The following PCDHGA2 variants were observed in gnomAD, a reference collection of about 807,000 sequenced individuals.
The protein encoded by PCDHGA2 is protocadherin gamma-A2.
PCDHGA2 carries 40 observed loss-of-function variants against 59.2 expected under a neutral mutation model. The ratio of observed to expected loss-of-function variants is 0.68; its 90% CI spans 0.52 to 0.88. The LOEUF (loss-of-function observed/expected upper bound fraction) is 0.88. PCDHGA2 is among the 40% of genes least tolerant of loss of function. PCDHGA2 has a pLI of 0.00. For synonymous variants in PCDHGA2, 560 were observed against 526.0 expected (o/e 1.06, Z -0.89); for missense variants, 1,226 against 1,204.0 (o/e 1.02, Z -0.27).
At chr5:141,501,600 C>G (rs1320824291) in intron 2 of PCDHGA2, among the ~76,000 whole-genome samples, 1 of 152,040 alleles carries the variant, frequency 6.6e-6, no homozygotes, top group Admixed American at 6.6e-5. Flanking sequence ...TCTACCAGTT[C>G]CAGCTGTGTG....
At chr5:141,388,363 C>T (rs778705302) in intron 1 of PCDHGA2, 6 of 1,613,854 alleles carry the variant, frequency 3.7e-6, no homozygotes, top group South Asian at 3.3e-5. Flanking sequence ...GCCCATGATG[C>T]GGATATTGGT....
intron 1 of PCDHGA2, among the ~76,000 whole-genome samples, chr5:141,401,837 A>G (rs1302723544): frequency 6.6e-6 from 1 of 152,198 alleles, no homozygotes; most frequent in Non-Finnish European, 1.5e-5. Context: ...ATTTCTTATA[A>G]TACCACTTAC....
intron 1 of PCDHGA2, among the ~76,000 whole-genome samples, chr5:141,456,073 A>G (rs1490650582): frequency 2.6e-5 from 4 of 151,252 alleles, no homozygotes; most frequent in Non-Finnish European, 5.9e-5. Flanking sequence ...AATTTTTTGT[A>G]TTTTCAGTAG....
At chr5:141,499,244 CAA>C (rs1191956146) in intron 2 of PCDHGA2, among the ~76,000 whole-genome samples, 1 of 152,090 alleles carries the variant, frequency 6.6e-6, no homozygotes, top group Non-Finnish European at 1.5e-5. Flanking sequence ...AGCCTCTGCA[CAA>C]AGAGTCTCCA....
At chr5:141,413,625 C>A (rs372855865) in intron 1 of PCDHGA2, 22 of 1,613,734 alleles carry the variant, frequency 1.4e-5, no homozygotes, top group Non-Finnish European at 1.9e-5. Flanking sequence ...ATGAAAATGT[C>A]GCTGCGGGAA....
intron 1 of PCDHGA2, among the ~76,000 whole-genome samples, chr5:141,469,162 G>A (rs2099192596): frequency 6.6e-6 from 1 of 152,062 alleles, no homozygotes; most frequent in Admixed American, 6.6e-5. Flanking sequence ...TGTAGTCCCA[G>A]CTACTTGGGA....
intron 1 of PCDHGA2, among the ~76,000 whole-genome samples, chr5:141,420,626 C>T (rs1192244062): frequency 6.6e-6 from 1 of 152,152 alleles, no homozygotes; most frequent in Non-Finnish European, 1.5e-5. Flanking sequence ...TTCATTTACT[C>T]AATAAAGGAA....
chr5:141,375,842 C>T, intron 1 of PCDHGA2: 2 of 1,614,122 alleles, frequency 1.2e-6, no homozygotes, highest in East Asian at 4.5e-5. Flanking sequence ...GCCCGGCTAC[C>T]TGGTGACCAA....
Position 141,366,878 on chromosome 5 carries a change from AT to A in PCDHGA2, c.2424+25491del, listed in dbSNP as rs994289295. On this transcript the variant is annotated intron_variant, in intron 1 of 3. Coordinates refer to ENST00000394576, the MANE Select transcript of PCDHGA2 (RefSeq NM_018915.4). ...ACATTATTTGCTGTATTGGAGATTA[AT>A]TTTTTTTATATAATTCATGCTTTCT... 7.2e-5 allele frequency: 96 copies of A among 1,341,212 alleles called. No homozygotes were observed. In the Middle Eastern group the frequency reaches 7.6e-4, roughly 11 times the overall value. 83.1% of individuals were successfully genotyped at this position (1,341,212 alleles called of 1,614,324 possible).
In PCDHGA2 at chr5:141,385,322, A is replaced by C. The variant is rs1781120693; in HGVS notation, c.2424+43927A>C. On this transcript the variant is annotated intron_variant, in intron 1 of 3. Coordinates refer to ENST00000394576, the MANE Select transcript of PCDHGA2 (RefSeq NM_018915.4). ...TGTAAAGAAAACCTGCCAAGTATTC[A>C]GGTGAGCCCAGCCCTTCCTTTATTT... is the stretch of plus-strand genomic sequence containing the variant. The C allele has an allele frequency of 1.9e-6, 3 of 1,606,974 alleles. No homozygotes were observed. In the East Asian group the frequency reaches 6.7e-5, roughly 36 times the overall value.
At chr5:141,343,504 G>A (rs978202799) in intron 1 of PCDHGA2, among the ~76,000 whole-genome samples, 3 of 152,138 alleles carry the variant, frequency 2.0e-5, no homozygotes, top group Admixed American at 6.5e-5. Flanking sequence ...AGTTGTGTTG[G>A]TCCTTACGGC....
chr5:141,431,867 A>C lies in PCDHGA2; in HGVS notation c.2425-62940A>C. On this transcript the variant is annotated intron_variant, in intron 1 of 3. Transcript: ENST00000394576. The surrounding 1 kb of genome is among the most constrained non-coding windows in gnomAD (Gnocchi z 4.8). ...CAGAGGGACATTAATTGCCCTTTTA[A>C]ATGTAAATGACCAAGATTCTGAGGA... 6.2e-7 allele frequency: 1 copy of C among 1,614,226 alleles called. No individual in the cohort carries two copies. Among genetic ancestry groups the C allele is most frequent in the Non-Finnish European group, 8.5e-7 (1 of 1,180,024 alleles).
At chr5:141,421,619 C>G in intron 1 of PCDHGA2, 1 of 1,613,694 alleles carries the variant, frequency 6.2e-7, no homozygotes, top group Non-Finnish European at 8.5e-7. Flanking sequence ...AATGATAACG[C>G]CCCCAGCTTC....
chr5:141,408,144 G>C (rs868032463), intron 1 of PCDHGA2: 4 of 1,496,186 alleles, frequency 2.7e-6, no homozygotes, highest in East Asian at 2.5e-5. Context: ...CTTTTAGCGC[G>C]GTAGAGTGCA....
rs920444759 is a variant in PCDHGA2, at chr5:141,432,767, C to G, written c.2425-62040C>G. On this transcript the variant is annotated intron_variant, in intron 1 of 3. Transcript: ENST00000394576. The surrounding 1 kb of genome is among the most constrained non-coding windows in gnomAD (Gnocchi z 6.0). ...CGTGGCCGTGGCCGACAGCATCCCC[C>G]AAGTCCTGGCGGACCTCGGCAGCCT... 2 of 1,614,058 alleles carry G rather than the reference C, an allele frequency of 1.2e-6. No individual in the cohort carries two copies. Among genetic ancestry groups the G allele is most frequent in the Admixed American group, 1.7e-5 (1 of 60,012 alleles).
At chr5:141,392,815 T>C (rs1361544072) in intron 1 of PCDHGA2, 8 of 1,586,560 alleles carry the variant, frequency 5.0e-6, no homozygotes, top group East Asian at 2.2e-5. Flanking sequence ...AAAACAACAA[T>C]GGCCGCTCCA....
chr5:141,376,197 T>G, intron 1 of PCDHGA2: 1 of 1,614,174 alleles, frequency 6.2e-7, no homozygotes, highest in Non-Finnish European at 8.5e-7. Flanking sequence ...TGCGTCTTCC[T>G]GGCCTTCGTC....
At chr5:141,396,502 C>T (rs982229069) in intron 1 of PCDHGA2, 2 of 152,106 alleles carry the variant, frequency 1.3e-5, no homozygotes, top group African/African-American at 4.8e-5. Flanking sequence ...CGCCTGTGGT[C>T]CCAGCTACTC....
intron 1 of PCDHGA2, chr5:141,375,657 T>C (rs1588774279): frequency 6.2e-7 from 1 of 1,614,192 alleles, no homozygotes; most frequent in Non-Finnish European, 8.5e-7. Flanking sequence ...TATGAGCAGT[T>C]GAGAGACCTA....
Sources: allele counts gnomAD v4.1 joint callset (sites outside exome capture counted in the v4.1 genomes callset), GRCh38; gene constraint gnomAD v4.1.1; non-coding constraint Gnocchi (gnomAD v3.1); transcripts MANE v1.5; gene names NCBI Gene and HGNC (gene_info 2026-07-23, HGNC 2026-07-21).